Variants in STAT4 observed in about 807,000 individuals in gnomAD.
STAT4 encodes the protein signal transducer and activator of transcription 4.
STAT4 carries 42 observed loss-of-function variants against 110.5 expected under a neutral mutation model. That is an observed-to-expected ratio of 0.38 (90% CI 0.30 to 0.49). The LOEUF is 0.49. STAT4 is among the 20% of genes least tolerant of loss of function. The pLI, the probability that STAT4 is intolerant of heterozygous loss-of-function variation, is 0.95. For missense variants in STAT4, 632 were observed against 887.9 expected, an observed-to-expected ratio of 0.71 and a Z score of 3.66; for synonymous variants, 284 against 302.2, an observed-to-expected ratio of 0.94 and a Z score of 0.63.
chr2:191,136,810 C>G (rs2125434037), intron 3 of STAT4, among the ~76,000 whole-genome samples: 1 of 152,050 alleles, frequency 6.6e-6, no homozygotes, highest in East Asian at 1.9e-4. Flanking sequence ...CTAGAAAATC[C>G]TAAAGAGTCC....
intron 6 of STAT4, among the ~76,000 whole-genome samples, chr2:191,068,787 A>G (rs958523945): frequency 3.3e-5 from 5 of 152,138 alleles, no homozygotes; most frequent in African/African-American, 9.6e-5. Context: ...TCCATCAACT[A>G]AACTAGACCT....
At chr2:191,078,529 A>G (rs1195299967) in intron 3 of STAT4, among the ~76,000 whole-genome samples, 1 of 152,186 alleles carries the variant, frequency 6.6e-6, no homozygotes, top group African/African-American at 2.4e-5. Flanking sequence ...CATCTTATGG[A>G]AAATTGATCA....
chr2:191,033,610 C>T lies in STAT4; in HGVS notation c.1732G>A (p.Val578Ile). 1 of 1,613,764 alleles carries T rather than the reference C, an allele frequency of 6.2e-7. No homozygotes were observed. Reference sequence around the variant, plus strand: ...AACAGCCGTTCCTTCTCTTTGCTAACAAAGCCCATGACATACCTAAAAATA... The same window carrying T: ...AACAGCCGTTCCTTCTCTTTGCTAATAAAGCCCATGACATACCTAAAAATA... ...LWIDGYVMGFVSKEKERLLLK... is the reference protein window; with the variant it reads ...LWIDGYVMGFISKEKERLLLK... Residue 578 changes from valine (V) to isoleucine (I), a missense_variant, in exon 20 of 24, where the codon GTT becomes ATT. Val to Ile is a conservative substitution (Grantham distance 29). Transcript: ENST00000392320. This position sits in a 1 kb window ranked among gnomAD's most constrained non-coding sequence, Gnocchi z 6.9.
chr2:191,132,944 C>T (rs1574189433), intron 3 of STAT4, among the ~76,000 whole-genome samples: 1 of 151,192 alleles, frequency 6.6e-6, no homozygotes, highest in Non-Finnish European at 1.5e-5. Context: ...TTAGTAGAGA[C>T]GGGGTTTCAC....
chr2:191,105,087 C>T (rs993762606), intron 3 of STAT4, among the ~76,000 whole-genome samples: 5 of 152,150 alleles, frequency 3.3e-5, no homozygotes, highest in African/African-American at 9.7e-5. Context: ...AATAACAGAT[C>T]GTGGGAAAAT....
chr2:191,068,417 C>T (rs1408523847), intron 6 of STAT4: 2 of 151,992 alleles, frequency 1.3e-5, no homozygotes, highest in African/African-American at 4.8e-5. Flanking sequence ...GTTGTATGTA[C>T]AAATAATTGT....
At position 191,050,288 on chromosome 2, in the gene STAT4, A is replaced by G. The variant is rs1384008370; in HGVS notation, c.1251+4202T>C. On this transcript the variant is annotated intron_variant, in intron 14 of 23. Transcript: ENST00000392320. This position sits in a 1 kb window ranked among gnomAD's most constrained non-coding sequence, Gnocchi z 4.3. ...GAAAGGTTGCTTCCTGGGAATGTTT[A>G]TTTTACAGGAACAGATTGATGGCCT... 1.3e-5 allele frequency among the ~76,000 whole-genome samples: 2 copies of G among 152,162 alleles called. No homozygotes were observed. The highest frequency in any genetic ancestry group is 2.9e-5 in the Non-Finnish European group (2 of 68,012).
Position 191,033,837 on chromosome 2 carries a change from GA to G in STAT4, c.1715+73del. ...GTACTAAACATGCTTAAGAGAAAAA[GA>G]AAGAAGAAAACCAATAACAACAGAA... On this transcript the variant is annotated intron_variant, in intron 19 of 23. Coordinates refer to ENST00000392320, the MANE Select transcript of STAT4 (RefSeq NM_003151.4). The surrounding 1 kb of genome is among the most constrained non-coding windows in gnomAD (Gnocchi z 6.9). 1.4e-6 allele frequency: 2 copies of G among 1,417,626 alleles called. No homozygotes were observed. The highest frequency in any genetic ancestry group is 2.7e-5 in the South Asian group (2 of 74,594). 87.8% of individuals were successfully genotyped at this position (1,417,626 alleles called of 1,614,324 possible). A position where few individuals can be genotyped will look rare whatever the true frequency, so the allele number is the denominator to read the frequency against.
intron 3 of STAT4, among the ~76,000 whole-genome samples, chr2:191,109,300 T>C (rs1698363599): frequency 6.6e-6 from 1 of 150,758 alleles, no homozygotes; most frequent in African/African-American, 2.5e-5. Flanking sequence ...TGTTTTGTTT[T>C]GTTTTTTGTT....
chr2:191,031,546 A>G lies in STAT4; in HGVS notation c.2045-30T>C, dbSNP rs758025119. The stretch of plus-strand genomic sequence containing the variant: ...AAAACAAAAAGGCACAATGTTGGGG[A>G]AAAAAATGTCAATATTATCAATAAA... On this transcript the variant is annotated intron_variant, in intron 21 of 23. Transcript: ENST00000392320. The surrounding 1 kb of genome is among the most constrained non-coding windows in gnomAD (Gnocchi z 4.8). 7.5e-5 allele frequency: 118 copies of G among 1,583,056 alleles called. No homozygotes were observed. Among genetic ancestry groups the G allele is most frequent in the South Asian group, 1.7e-4 (15 of 88,310 alleles).
intron 3 of STAT4, among the ~76,000 whole-genome samples, chr2:191,101,363 T>C: frequency 6.6e-6 from 1 of 152,354 alleles, no homozygotes. Context: ...TGTATCATTA[T>C]ATATCTGCTT....
At chr2:191,109,282 TG>T (rs2125356963) in intron 3 of STAT4, among the ~76,000 whole-genome samples, 1 of 151,944 alleles carries the variant, frequency 6.6e-6, no homozygotes, top group East Asian at 1.9e-4. Flanking sequence ...ACAGGTTTTT[TG>T]TTTTTTTGTT....
intron 3 of STAT4, among the ~76,000 whole-genome samples, chr2:191,141,737 T>G (rs1699342071): frequency 6.6e-6 from 1 of 151,836 alleles, no homozygotes; most frequent in Non-Finnish European, 1.5e-5. Flanking sequence ...TTCAAGGGAT[T>G]CTCCTGCCTC....
chr2:191,030,601 G>A lies in STAT4; in HGVS notation c.2220+371C>T, dbSNP rs146363891. On this transcript the variant is annotated intron_variant, in intron 23 of 23. Transcript: ENST00000392320. The surrounding 1 kb of genome is among the most constrained non-coding windows in gnomAD (Gnocchi z 4.4). ...TAGTAAGTAACTAGTAAACTAGATA[G>A]TATACTAGGTTTATAAATATTGACC... 1.6e-3 allele frequency: 284 copies of A among 181,224 alleles called. No individual in the cohort carries two copies. The highest frequency in any genetic ancestry group is 6.1e-3 in the African/African-American group (257 of 42,234). 11.2% of individuals were successfully genotyped at this position (181,224 alleles called of 1,614,324 possible). A position where few individuals can be genotyped will look rare whatever the true frequency, so the allele number is the denominator to read the frequency against.
rs1242439931 is a variant in STAT4 at position 191,113,340 on chromosome 2, G to T, written c.273+33273C>A. On this transcript the variant is annotated intron_variant, in intron 3 of 23. Transcript: ENST00000392320. This position sits in a 1 kb window ranked among gnomAD's most constrained non-coding sequence, Gnocchi z 4.8. Reference sequence around the variant, plus strand: ...TCTTTGCATCTGAACTTGTCTCTTAGTACCTATATTACAGTTGTTCCTTTG... The same window carrying T: ...TCTTTGCATCTGAACTTGTCTCTTATTACCTATATTACAGTTGTTCCTTTG... Among the ~76,000 whole-genome samples the T allele has an allele frequency of 6.6e-6, 1 of 152,110 alleles. No homozygotes were observed. The highest frequency in any genetic ancestry group is 1.5e-5 in the Non-Finnish European group (1 of 68,020).
chr2:191,040,323 A>G (rs1696154415), intron 15 of STAT4, among the ~76,000 whole-genome samples: 1 of 152,124 alleles, frequency 6.6e-6, no homozygotes, highest in South Asian at 2.1e-4. Context: ...TGTTAGATAA[A>G]TCTTCCTTCT....
At position 191,150,100 on chromosome 2, in the gene STAT4, T is replaced by G. The variant is rs535418676; in HGVS notation, c.-2+847A>C. Among the ~76,000 whole-genome samples the G allele has an allele frequency of 6.6e-6, 1 of 152,126 alleles. No homozygotes were observed. The highest frequency in any genetic ancestry group is 1.5e-5 in the Non-Finnish European group (1 of 68,032). On this transcript the variant is annotated intron_variant, in intron 1 of 23. Transcript: ENST00000392320. This position sits in a 1 kb window ranked among gnomAD's most constrained non-coding sequence, Gnocchi z 6.4. Reference sequence around the variant, plus strand: ...ATATTTATTGAAATATCACTGTATATTCCATAAATATTTACAATTGTGTGT... The same window carrying G: ...ATATTTATTGAAATATCACTGTATAGTCCATAAATATTTACAATTGTGTGT...
chr2:191,111,026 T>C (rs1383395654), intron 3 of STAT4, among the ~76,000 whole-genome samples: 2 of 152,282 alleles, frequency 1.3e-5, no homozygotes, highest in African/African-American at 4.8e-5. Flanking sequence ...GCTCAGGTGA[T>C]CCACTTGCTT....
chr2:191,076,060 G>C, intron 4 of STAT4, 167 bp downstream of exon 4: 1 of 582,754 alleles, frequency 1.7e-6, no homozygotes, highest in Non-Finnish European at 3.1e-6. Flanking sequence ...TGCTGCATTG[G>C]CCAGACTGGT....
Sources: gnomAD v4.1 joint callset for allele counts (sites outside exome capture counted in the v4.1 genomes callset) on GRCh38, gnomAD v4.1.1 for gene constraint, Gnocchi (gnomAD v3.1) non-coding constraint, MANE v1.5 for transcripts, NCBI Gene and HGNC (gene_info 2026-07-23, HGNC 2026-07-21) for gene names.